Variants in SLC26A9 observed in about 807,000 individuals in gnomAD.
The protein encoded by SLC26A9 is solute carrier family 26 member 9.
In SLC26A9, 46 loss-of-function variants were observed where a neutral mutation model predicts 87.1. The ratio of observed to expected loss-of-function variants is 0.53; its 90% confidence interval spans 0.42 to 0.67. The LOEUF (loss-of-function observed/expected upper bound fraction) is 0.67, where lower values mean the gene tolerates loss of function less well. SLC26A9 is among the 30% of genes least tolerant of loss of function. The pLI is 0.00. For synonymous variants in SLC26A9, 437 were observed against 409.1 expected (o/e 1.07, Z -0.82); for missense variants, 927 against 1,018.3 (o/e 0.91, Z 1.22).
rs751584490 is a variant in SLC26A9, at chr1:205,933,102, A to G, written c.126-18T>C. On this transcript the variant is annotated intron_variant, in intron 2 of 20. Transcript: ENST00000367135. ...AGGAACATCTGGAAGGGAACGGGGA[A>G]AATTTCCAGTCGGCTCTGCATGGCT... 1.2e-6 allele frequency: 2 copies of G among 1,614,060 alleles called. No homozygotes were observed. Among genetic ancestry groups the G allele is most frequent in the Non-Finnish European group, 1.7e-6 (2 of 1,180,006 alleles).
intron 2 of SLC26A9, 188 bp downstream of exon 2, chr1:205,935,508 C>T: frequency 1.2e-6 from 1 of 820,978 alleles, no homozygotes; most frequent in Non-Finnish European, 1.8e-6. Context: ...GCTCCTGCTC[C>T]CCATCCTCCC....
At chr1:205,938,243 TTTCC>T (rs1417266954) in intron 1 of SLC26A9, among the ~76,000 whole-genome samples, 2 of 151,606 alleles carry the variant, frequency 1.3e-5, no homozygotes, top group Non-Finnish European at 2.9e-5. Flanking sequence ...CCTATTGCTA[TTTCC>T]TTCCTTCCTT....
intron 1 of SLC26A9, among the ~76,000 whole-genome samples, chr1:205,938,862 T>C (rs541962413): frequency 3.3e-5 from 5 of 152,266 alleles, no homozygotes; most frequent in African/African-American, 1.2e-4. Flanking sequence ...CATTTTTCTT[T>C]GGGAGGAAAG....
Position 205,927,977 on chromosome 1 carries a change from G to A in SLC26A9, c.1026C>T (p.Ile342=), listed in dbSNP as rs530666216. 1.1e-5 allele frequency: 17 copies of A among 1,614,196 alleles called. No individual in the cohort carries two copies. The highest frequency in any genetic ancestry group is 1.6e-4 in the Middle Eastern group (1 of 6,062). The change falls in exon 9 of 21, where the codon ATC becomes ATT. Residue 342 remains isoleucine (I), a synonymous_variant. Transcript: ENST00000367135. The stretch of plus-strand genomic sequence containing the variant: ...TAGCCAGGTTGATGACGTAGCTCAC[G>A]ATGGCTAGGGAGAAGGCTGTGCCTA... ...DMIGTAFSLA[I]VSYVINLAMG... is the part of the protein sequence containing the mutation.
rs369903387 is a variant in SLC26A9 at position 205,935,796 on chromosome 1, C to T, written c.25G>A (p.Val9Met). The stretch of plus-strand genomic sequence containing the variant: ...AGGGAGTATGCGGCTCTGTCTACCA[C>T]GTAGCGGGGCCTGGGCTGGCTCATA... MSQPRPRY[V>M]VDRAAYSLTL... is the part of the protein sequence containing the mutation. The change falls in exon 2 of 21, where the codon GTG (valine) becomes ATG (methionine). Residue 9 changes from valine to methionine, a missense_variant. Physicochemically the swap from Val to Met is conservative, Grantham distance 21. Coordinates refer to ENST00000367135, the MANE Select transcript of SLC26A9 (RefSeq NM_052934.4). The T allele has an allele frequency of 6.6e-5, 106 of 1,613,858 alleles. No individual in the cohort carries two copies. Among genetic ancestry groups the T allele is most frequent in the South Asian group, 3.6e-4 (33 of 91,054 alleles).
At chr1:205,928,936 G>T in intron 7 of SLC26A9, 27 bp from the exon 8 acceptor site, 1 of 1,613,624 alleles carries the variant, frequency 6.2e-7, no homozygotes, top group Non-Finnish European at 8.5e-7. Flanking sequence ...GGAGAATGGG[G>T]ATTGGCCCTA....
At position 205,932,930 on chromosome 1, in the gene SLC26A9, A is replaced by G. The variant is rs558725228; in HGVS notation, c.265+15T>C. The G allele has an allele frequency of 6.2e-7, 1 of 1,613,694 alleles. No homozygotes were observed. Among genetic ancestry groups the G allele is most frequent in the East Asian group, 2.2e-5 (1 of 44,870 alleles). On this transcript the variant is annotated intron_variant, in intron 3 of 20. Transcript: ENST00000367135. The stretch of plus-strand genomic sequence containing the variant: ...GGGAGTGGCAATCCAGGCCTGGCTG[A>G]AGGAGCCCCTTCACCTTGTGGGACC...
intron 2 of SLC26A9, among the ~76,000 whole-genome samples, chr1:205,934,245 G>C (rs1468609626): frequency 6.6e-6 from 1 of 152,204 alleles, no homozygotes; most frequent in East Asian, 1.9e-4. Flanking sequence ...CTTACCCCCT[G>C]TCCTTTCTGG....
rs375974607 is a variant in SLC26A9, at chr1:205,917,244, G to T, written c.2328+39C>A. 3.5e-5 allele frequency: 56 copies of T among 1,608,934 alleles called. No individual in the cohort carries two copies. In the African/African-American group the frequency reaches 7.3e-4, roughly 21 times the overall value. On this transcript the variant is annotated intron_variant, in intron 20 of 20. Coordinates refer to ENST00000367135, the MANE Select transcript of SLC26A9 (RefSeq NM_052934.4). ...CAGCGACCCCATCCTTCCCCTCTTC[G>T]CCCTGCTCCCACCCTCACAGCCCCT... is the stretch of plus-strand genomic sequence containing the variant.
chr1:205,930,862 C>T (rs919668953), intron 5 of SLC26A9, among the ~76,000 whole-genome samples: 2 of 152,170 alleles, frequency 1.3e-5, no homozygotes, highest in Non-Finnish European at 2.9e-5. Context: ...TGAGGTCCTC[C>T]GTGACTCTGC....
Position 205,929,259 on chromosome 1 carries a change from A to T in SLC26A9, c.815T>A (p.Leu272His). The T allele has an allele frequency of 6.2e-7, 1 of 1,614,200 alleles. No homozygotes were observed. The highest frequency in any genetic ancestry group is 2.2e-5 in the East Asian group (1 of 44,878). The change falls in exon 7 of 21, where the codon CTC (leucine) becomes CAC (histidine). Residue 272 changes from leucine to histidine, a missense_variant. Coordinates refer to ENST00000367135, the MANE Select transcript of SLC26A9 (RefSeq NM_052934.4). ...AATCTTGTGCATGTAGCGAGCATTG[A>T]GCTCCTTCACCAGCACCAGGAAGGC... ...SGAFLVLVKE[L>H]NARYMHKIRF...
In SLC26A9 at chr1:205,921,776, G is replaced by A. The variant is rs765023191; in HGVS notation, c.1845C>T (p.Thr615=). The change falls in exon 17 of 21, where the codon ACC becomes ACT. Residue 615 remains threonine, a synonymous_variant. Transcript: ENST00000367135. ...AGGACACGCTGGTGCCGTTAGCCGG[G>A]GTCTGGTTGTTGTTGGGGTCGGTGG... ...APPTDPNNNQ[T]PANGTSVSYI... 1.2e-6 allele frequency: 2 copies of A among 1,604,122 alleles called. No individual in the cohort carries two copies. Among genetic ancestry groups the A allele is most frequent in the African/African-American group, 1.3e-5 (1 of 74,786 alleles).
chr1:205,914,900 G>A lies in SLC26A9; in HGVS notation c.*457C>T, dbSNP rs373065438. The A allele has an allele frequency of 2.7e-5, 44 of 1,611,218 alleles. No homozygotes were observed. The highest frequency in any genetic ancestry group is 1.6e-4 in the Middle Eastern group (1 of 6,074). On this transcript the variant is annotated 3_prime_UTR_variant, in exon 21 of 21. Coordinates refer to ENST00000367135, the MANE Select transcript of SLC26A9 (RefSeq NM_052934.4). ...CCTAACCAAGTTTATCCCTATGTCC[G>A]TGACAGCCTGACACCATCTGACACC...
intron 8 of SLC26A9, 115 bp from the exon 9 acceptor site, chr1:205,928,164 C>T: frequency 1.6e-6 from 2 of 1,240,732 alleles, no homozygotes; most frequent in Non-Finnish European, 1.1e-6. Context: ...GGGATCTTTG[C>T]CTAAGTTATC....
At chr1:205,916,221 C>T (rs61224910) in intron 20 of SLC26A9, among the ~76,000 whole-genome samples, 2,376 of 152,256 alleles carry the variant, frequency 0.016, 55 homozygotes, top group African/African-American at 0.055. Context: ...CTCAGACTTC[C>T]GAGTAGCTGG....
chr1:205,938,114 G>A (rs9438440), intron 1 of SLC26A9, among the ~76,000 whole-genome samples: 18,963 of 151,366 alleles, frequency 0.13, 2,027 homozygotes, highest in East Asian at 0.64. Flanking sequence ...CCCAGCCCCC[G>A]TCCCCAGGAT....
intron 9 of SLC26A9, 44 bp downstream of exon 9, chr1:205,927,858 G>A: frequency 6.3e-7 from 1 of 1,597,770 alleles, no homozygotes; most frequent in Non-Finnish European, 8.5e-7. Context: ...CCAGGCCTGA[G>A]TTGACCTGTC....
intron 19 of SLC26A9, among the ~76,000 whole-genome samples, chr1:205,917,932 C>A (rs1571728431): frequency 6.6e-6 from 1 of 152,208 alleles, no homozygotes; most frequent in African/African-American, 2.4e-5. Flanking sequence ...GCTCTGCGGA[C>A]AAATTCACGA....
chr1:205,920,431 C>A (rs1658777803), intron 17 of SLC26A9, among the ~76,000 whole-genome samples: 1 of 152,180 alleles, frequency 6.6e-6, no homozygotes, highest in African/African-American at 2.4e-5. Flanking sequence ...GGAAGTGGAG[C>A]GGAAATGGAC....
Sources: allele counts gnomAD v4.1 joint callset (sites outside exome capture counted in the v4.1 genomes callset), GRCh38; gene constraint gnomAD v4.1.1; transcripts MANE v1.5; gene names NCBI Gene and HGNC (gene_info 2026-07-23, HGNC 2026-07-21).